ELK4: variants seen among roughly 807,000 people sequenced by gnomAD.
ELK4 encodes ETS transcription factor ELK4, also known as ETS domain-containing protein Elk-4.
ELK4 carries 16 observed loss-of-function variants against 29.6 expected under a neutral mutation model. That is an observed-to-expected ratio of 0.54 (90% CI 0.37 to 0.82). ELK4 has a LOEUF of 0.82. Ranked by LOEUF, ELK4 falls within the 40% of genes least tolerant of loss-of-function variation. ELK4 has a pLI of 0.00. For missense variants in ELK4, 465 were observed against 507.1 expected (o/e 0.92, Z 0.80); for synonymous variants, 213 against 191.1 (o/e 1.11, Z -0.95).
rs1397148158 is a variant in ELK4 at position 205,631,776 on chromosome 1, G to A, written c.-154C>T. 26 of 220,204 alleles carry A rather than the reference G, an allele frequency of 1.2e-4. No individual in the cohort carries two copies. In the East Asian group the frequency reaches 4.2e-3, roughly 35 times the overall value. 13.6% of individuals were successfully genotyped at this position (220,204 alleles called of 1,614,324 possible). A position where few individuals can be genotyped will look rare whatever the true frequency, so the allele number is the denominator to read the frequency against. The stretch of plus-strand genomic sequence containing the variant: ...CGGCGGAGCCGTAGAAGGCGGCGGC[G>A]GCCAAGCCGAGCCCGCCGGGTGCCC... On this transcript the variant is annotated 5_prime_UTR_variant, in exon 1 of 5. Coordinates refer to ENST00000357992, the MANE Select transcript of ELK4 (RefSeq NM_001973.4).
At position 205,609,652 on chromosome 1, in the gene ELK4, A is replaced by G. The variant is rs575630182; in HGVS notation, c.*6894T>C. ...TTAATACTGCCCCAAGTAACAAAAC[A>G]ATGAAATGTCAGGATTGTGTCCCCT... On this transcript the variant is annotated 3_prime_UTR_variant, in exon 5 of 5. Transcript: ENST00000357992. The G allele has an allele frequency of 1.4e-4, 28 of 206,270 alleles. No individual in the cohort carries two copies. Among genetic ancestry groups the G allele is most frequent in the African/African-American group, 6.4e-4 (28 of 44,006 alleles). 12.8% of individuals were successfully genotyped at this position (206,270 alleles called of 1,614,324 possible).
chr1:205,621,334 A>T (rs537191571), intron 2 of ELK4, among the ~76,000 whole-genome samples: 8 of 152,284 alleles, frequency 5.3e-5, no homozygotes, highest in African/African-American at 1.9e-4. Flanking sequence ...TATTATGGAG[A>T]AGTTAAGGCA....
intron 2 of ELK4, 31 bp from the exon 3 acceptor site, chr1:205,620,869 C>T: frequency 6.4e-7 from 1 of 1,566,064 alleles, no homozygotes; most frequent in Non-Finnish European, 8.6e-7. Context: ...CATTTTTATC[C>T]TTTCTTATAA....
rs1404904462 is a variant in ELK4, at chr1:205,609,423, A to G, written c.*7123T>C. On this transcript the variant is annotated 3_prime_UTR_variant, in exon 5 of 5. Transcript: ENST00000357992. ...TGCTCAAAGGCAAAAATAAAGAAAT[A>G]TAATTGTGATTAGAAAAGATCCAGG... 1 of 192,852 alleles carries G rather than the reference A, an allele frequency of 5.2e-6. No homozygotes were observed. Among genetic ancestry groups the G allele is most frequent in the Non-Finnish European group, 1.1e-5 (1 of 92,174 alleles). The allele number at this position is 192,852 out of a possible 1,614,324, so 11.9% of individuals were successfully genotyped here.
chr1:205,619,851 T>C (rs1670299300), intron 3 of ELK4, 115 bp downstream of exon 3: 4 of 1,608,074 alleles, frequency 2.5e-6, no homozygotes, highest in African/African-American at 2.7e-5. Context: ...ACACATAACC[T>C]TTCTAAGACA....
intron 2 of ELK4, among the ~76,000 whole-genome samples, chr1:205,623,112 C>T (rs867632353): frequency 6.1e-5 from 9 of 146,790 alleles, no homozygotes; most frequent in African/African-American, 1.3e-4. Flanking sequence ...AAGCCAAGAT[C>T]GCACCATTGC....
At position 205,620,472 on chromosome 1, in the gene ELK4, C is replaced by T; in HGVS notation, c.574G>A (p.Val192Ile). 1 of 1,614,128 alleles carries T rather than the reference C, an allele frequency of 6.2e-7. No homozygotes were observed. Among genetic ancestry groups the T allele is most frequent in the African/African-American group, 1.3e-5 (1 of 75,014 alleles). The change falls in exon 3 of 5, where the codon GTC becomes ATC. Residue 192 changes from valine (V) to isoleucine (I), a missense_variant. Physicochemically the swap from Val to Ile is conservative, Grantham distance 29 (BLOSUM62 3). Around this residue, in one of 2 missense-constraint regions of ELK4, gnomAD observed 385 missense variants for 387.5 expected, o/e 0.99. Coordinates refer to ENST00000357992, the MANE Select transcript of ELK4 (RefSeq NM_001973.4). ...QEPTPSVIKF[V>I]TTPSKKPPVE... ...GGTGGCTTTTTGGAAGGTGTCGTGA[C>T]AAATTTGATGACAGATGGTGTGGGC...
At position 205,631,652 on chromosome 1, in the gene ELK4, C is replaced by G. The variant is rs1283870662; in HGVS notation, c.-30G>C. The G allele has an allele frequency of 3.0e-6, 1 of 334,874 alleles. No homozygotes were observed. The highest frequency in any genetic ancestry group is 3.2e-5 in the Admixed American group (1 of 31,170). The allele number at this position is 334,874 out of a possible 1,614,324, so 20.7% of individuals were successfully genotyped here. On this transcript the variant is annotated 5_prime_UTR_variant, in exon 1 of 5. Transcript: ENST00000357992. The stretch of plus-strand genomic sequence containing the variant: ...CTCACCGACGCCGCGCGCGGGGCTC[C>G]CCCTCGGTCTCCGCCTCGAACACGA...
At chr1:205,630,528 G>A (rs1223134095) in intron 1 of ELK4, among the ~76,000 whole-genome samples, 1 of 152,144 alleles carries the variant, frequency 6.6e-6, no homozygotes, top group Non-Finnish European at 1.5e-5. Flanking sequence ...AATGTATCAA[G>A]CCTAGTTTCG....
intron 1 of ELK4, among the ~76,000 whole-genome samples, chr1:205,628,885 T>G (rs1326912727): frequency 3.0e-5 from 4 of 131,262 alleles, no homozygotes; most frequent in Non-Finnish European, 3.3e-5. Context: ...AAAAAAAAAA[T>G]GGCTTTGGCC....
At position 205,609,733 on chromosome 1, in the gene ELK4, A is replaced by G; in HGVS notation, c.*6813T>C. Reference sequence around the variant, plus strand: ...ACAGAAAAGAAACTTAAAATTGGATACTTTATAAATTTAAGTGTAATCTAT... The same window carrying G: ...ACAGAAAAGAAACTTAAAATTGGATGCTTTATAAATTTAAGTGTAATCTAT... On this transcript the variant is annotated 3_prime_UTR_variant, in exon 5 of 5. Coordinates refer to ENST00000357992, the MANE Select transcript of ELK4 (RefSeq NM_001973.4). 1 of 208,560 alleles carries G rather than the reference A, an allele frequency of 4.8e-6. No individual in the cohort carries two copies. The highest frequency in any genetic ancestry group is 2.3e-5 in the African/African-American group (1 of 44,130). 12.9% of individuals were successfully genotyped at this position (208,560 alleles called of 1,614,324 possible).
chr1:205,629,396 G>A (rs1395436118), intron 1 of ELK4, among the ~76,000 whole-genome samples: 18 of 152,124 alleles, frequency 1.2e-4, no homozygotes, highest in Admixed American at 9.8e-4. Context: ...CAAAAAGTGT[G>A]GTATTAACAA....
At position 205,609,673 on chromosome 1, in the gene ELK4, C is replaced by G. The variant is rs544256957; in HGVS notation, c.*6873G>C. On this transcript the variant is annotated 3_prime_UTR_variant, in exon 5 of 5. Transcript: ENST00000357992. ...AAACAATGAAATGTCAGGATTGTGT[C>G]CCCTACACAATAGACAATAAGCAAC... The G allele has an allele frequency of 4.8e-6, 1 of 206,638 alleles. No individual in the cohort carries two copies. The highest frequency in any genetic ancestry group is 1.9e-4 in the South Asian group (1 of 5,290). 12.8% of individuals were successfully genotyped at this position (206,638 alleles called of 1,614,324 possible).
At chr1:205,624,419 T>G (rs919559617) in intron 1 of ELK4, among the ~76,000 whole-genome samples, 4 of 152,164 alleles carry the variant, frequency 2.6e-5, no homozygotes, top group African/African-American at 4.8e-5. Flanking sequence ...GACTGAGGTG[T>G]AGGGAATAAT....
intron 1 of ELK4, among the ~76,000 whole-genome samples, chr1:205,628,339 T>C (rs370687352): frequency 3.0e-4 from 45 of 152,312 alleles, no homozygotes; most frequent in African/African-American, 1.1e-3. Context: ...TCTAATCTAA[T>C]CCTGTTAAAA....
rs1473534811 is a variant in ELK4, at chr1:205,623,877, G to C, written c.6C>G (p.Asp2Glu). 6.2e-7 allele frequency: 1 copy of C among 1,613,976 alleles called. No homozygotes were observed. The highest frequency in any genetic ancestry group is 1.3e-5 in the African/African-American group (1 of 74,920). ...GGAACTGCCACAGGGTGATAGCACTGTCCATAGCAATGAGCTGAAAGAATA... is the reference window on the plus strand; with the variant it reads ...GGAACTGCCACAGGGTGATAGCACTCTCCATAGCAATGAGCTGAAAGAATA... M[D>E]SAITLWQFLL... The change falls in exon 2 of 5, where the codon GAC (aspartate) becomes GAG (glutamate). Residue 2 changes from aspartate (D) to glutamate (E), a missense_variant. By Grantham distance (45) the Asp-to-Glu change is conservative (BLOSUM62 2). This residue lies in a region of ELK4 where 385 missense variants were observed against 387.5 expected (regional missense o/e 0.99). Coordinates refer to ENST00000357992, the MANE Select transcript of ELK4 (RefSeq NM_001973.4).
intron 4 of ELK4, 29 bp downstream of exon 4, chr1:205,618,928 C>A: frequency 1.9e-6 from 3 of 1,550,636 alleles, no homozygotes; most frequent in Non-Finnish European, 2.7e-6. Context: ...CATGCTCCAA[C>A]TACAGAAGAC....
In ELK4 at chr1:205,608,552, T is replaced by C; in HGVS notation, c.*7994A>G. 5.0e-6 allele frequency: 1 copy of C among 199,156 alleles called. No individual in the cohort carries two copies. Among genetic ancestry groups the C allele is most frequent in the Non-Finnish European group, 1.0e-5 (1 of 96,334 alleles). The allele number at this position is 199,156 out of a possible 1,614,324, so 12.3% of individuals were successfully genotyped here. A position where few individuals can be genotyped will look rare whatever the true frequency, so the allele number is the denominator to read the frequency against. On this transcript the variant is annotated 3_prime_UTR_variant, in exon 5 of 5. Coordinates refer to ENST00000357992, the MANE Select transcript of ELK4 (RefSeq NM_001973.4). ...AAATGTTAGCAGTGACCATTTTAAT[T>C]GCTTTTTTAGGAAAAAGAAAAAAAA...
Position 205,620,142 on chromosome 1 carries a change from C to T in ELK4, c.904G>A (p.Asp302Asn). The change falls in exon 3 of 5, where the codon GAC (aspartate) becomes AAC (asparagine). Residue 302 changes from aspartate (D) to asparagine (N), a missense_variant. Asp to Asn is a conservative substitution (Grantham distance 23). Transcript: ENST00000357992. ...TTTTCTAGCAAGACTGAATCCTGGTCTTTAGGCTCCAGTGACAAATTCTCT... is the reference window on the plus strand; with the variant it reads ...TTTTCTAGCAAGACTGAATCCTGGTTTTTAGGCTCCAGTGACAAATTCTCT... ...LPENLSLEPK[D>N]QDSVLLEKDK... 1 of 1,614,188 alleles carries T rather than the reference C, an allele frequency of 6.2e-7. No homozygotes were observed. The highest frequency in any genetic ancestry group is 8.5e-7 in the Non-Finnish European group (1 of 1,180,036).
Sources: gnomAD v4.1 joint callset for allele counts (sites outside exome capture counted in the v4.1 genomes callset) on GRCh38, gnomAD v4.1.1 for gene constraint, gnomAD v4.1.1 regional missense constraint, MANE v1.5 for transcripts, NCBI Gene and HGNC (gene_info 2026-07-23, HGNC 2026-07-21) for gene names.